The following AGMO variants were observed in gnomAD, a reference collection of about 807,000 sequenced individuals.
AGMO encodes glyceryl-ether monooxygenase.
A neutral mutation model predicts 60.2 loss-of-function variants in AGMO; 75 were observed. That is an observed-to-expected ratio of 1.25 (90% CI 1.03 to 1.51). AGMO has a LOEUF of 1.51. Ranked by LOEUF, AGMO falls within the 40% of genes most tolerant of loss-of-function variation. The pLI is 0.00. For synonymous variants in AGMO, 261 were observed against 177.1 expected (o/e 1.47, Z -3.76); for missense variants, 763 against 525.5 (o/e 1.45, Z -4.42).
intron 12 of AGMO, among the ~76,000 whole-genome samples, chr7:15,334,274 A>G (rs1419501846): frequency 6.7e-6 from 1 of 149,850 alleles, no homozygotes; most frequent in Non-Finnish European, 1.5e-5. Flanking sequence ...TTAACAACAT[A>G]AAATTATCAA....
At chr7:15,232,674 A>C (rs1464924334) in intron 12 of AGMO, among the ~76,000 whole-genome samples, 1 of 152,174 alleles carries the variant, frequency 6.6e-6, no homozygotes, top group Non-Finnish European at 1.5e-5. Context: ...GCCAATGAGT[A>C]GAATACGAAT....
intron 3 of AGMO, among the ~76,000 whole-genome samples, chr7:15,465,190 T>C (rs1381371603): frequency 6.6e-6 from 1 of 151,988 alleles, no homozygotes. Context: ...GGATTACCTA[T>C]TGCGAGCCGA....
At chr7:15,222,619 T>G (rs1405238946) in intron 12 of AGMO, among the ~76,000 whole-genome samples, 1 of 152,100 alleles carries the variant, frequency 6.6e-6, no homozygotes, top group East Asian at 1.9e-4. Context: ...CCTCTTCATT[T>G]GTTAAATAAA....
intron 12 of AGMO, among the ~76,000 whole-genome samples, chr7:15,258,482 T>C (rs1421323457): frequency 1.3e-5 from 2 of 151,894 alleles, no homozygotes; most frequent in Non-Finnish European, 2.9e-5. Context: ...GAGGCGGAGC[T>C]TGCAGTGAGC....
intron 3 of AGMO, among the ~76,000 whole-genome samples, chr7:15,445,245 A>G (rs1781666931): frequency 6.6e-6 from 1 of 152,112 alleles, no homozygotes; most frequent in African/African-American, 2.4e-5. Flanking sequence ...GGTGTAGGTC[A>G]ATAATAATGT....
intron 3 of AGMO, among the ~76,000 whole-genome samples, chr7:15,483,915 A>G (rs1782839835): frequency 6.6e-6 from 1 of 152,208 alleles, no homozygotes; most frequent in Admixed American, 6.5e-5. Context: ...CCTAATATCC[A>G]TACTTATTAA....
chr7:15,348,351 G>C (rs1309574424), intron 12 of AGMO, among the ~76,000 whole-genome samples: 2 of 151,986 alleles, frequency 1.3e-5, no homozygotes, highest in African/African-American at 4.8e-5. Flanking sequence ...AGATAAGCAA[G>C]TGAAATTGCA....
At chr7:15,429,581 C>T (rs1289935580) in intron 4 of AGMO, among the ~76,000 whole-genome samples, 1 of 151,910 alleles carries the variant, frequency 6.6e-6, no homozygotes, top group Non-Finnish European at 1.5e-5. Context: ...TTAAGCTACA[C>T]AGTTAGTAGT....
intron 12 of AGMO, among the ~76,000 whole-genome samples, chr7:15,303,521 G>A (rs1780517408): frequency 6.6e-6 from 1 of 152,158 alleles, no homozygotes; most frequent in African/African-American, 2.4e-5. Context: ...CCCACCCAGT[G>A]AGAAGAAATG....
intron 12 of AGMO, among the ~76,000 whole-genome samples, chr7:15,320,616 A>T (rs1224225562): frequency 6.6e-6 from 1 of 152,154 alleles, no homozygotes; most frequent in African/African-American, 2.4e-5. Context: ...TATTTTCTAA[A>T]TGGTTAGAAT....
intron 3 of AGMO, among the ~76,000 whole-genome samples, chr7:15,468,525 T>C (rs989486202): frequency 2.6e-5 from 4 of 152,074 alleles, no homozygotes; most frequent in Non-Finnish European, 5.9e-5. Flanking sequence ...TGCATTTAAA[T>C]GTATGATTCA....
At chr7:15,521,574 T>C (rs895143524) in intron 3 of AGMO, among the ~76,000 whole-genome samples, 9 of 152,128 alleles carry the variant, frequency 5.9e-5, no homozygotes, top group African/African-American at 2.2e-4. Flanking sequence ...ATCCATCACA[T>C]AAATGGAACC....
At chr7:15,311,397 A>G (rs1307771984) in intron 12 of AGMO, among the ~76,000 whole-genome samples, 26 of 152,148 alleles carry the variant, frequency 1.7e-4, no homozygotes, top group Admixed American at 1.7e-3. Flanking sequence ...CCCTCCCCAC[A>G]TTAAGCTGGA....
chr7:15,338,575 C>G (rs1781735550), intron 12 of AGMO, among the ~76,000 whole-genome samples: 1 of 152,090 alleles, frequency 6.6e-6, no homozygotes, highest in Admixed American at 6.6e-5. Flanking sequence ...ACTGGGAGAC[C>G]TAGCACTGCT....
intron 5 of AGMO, among the ~76,000 whole-genome samples, chr7:15,395,011 C>A (rs1339333104): frequency 1.3e-5 from 2 of 152,130 alleles, no homozygotes; most frequent in Admixed American, 1.3e-4. Context: ...AAAAGTATAG[C>A]AGCCCAGATG....
chr7:15,320,128 G>A (rs2128537929), intron 12 of AGMO, among the ~76,000 whole-genome samples: 1 of 151,788 alleles, frequency 6.6e-6, no homozygotes. Context: ...TGGGGGAGGG[G>A]GAAGGGATAG....
At chr7:15,319,500 G>C (rs995424660) in intron 12 of AGMO, among the ~76,000 whole-genome samples, 1 of 152,042 alleles carries the variant, frequency 6.6e-6, no homozygotes, top group African/African-American at 2.4e-5. Flanking sequence ...TCTGAAGCTT[G>C]GTCTTGAGTC....
Position 15,390,854 on chromosome 7 carries a change from C to T in AGMO, c.728G>A (p.Trp243Ter), listed in dbSNP as rs1471643120. Residue 243 changes from tryptophan (W) to a stop codon, truncating the protein, a stop_gained, in exon 7 of 13, where the codon TGG becomes TAG. Transcript: ENST00000342526. LOFTEE classifies it high-confidence loss of function. ...DKNYAGVLII[W>*]DKIFGTFEAE... The stretch of plus-strand genomic sequence containing the variant: ...ATTTTACTTACCAAAAATTTTATCC[C>T]AAATAATAAGAACACCAGCATAATT... 4 of 1,604,160 alleles carry T rather than the reference C, an allele frequency of 2.5e-6. No homozygotes were observed. Among genetic ancestry groups the T allele is most frequent in the East Asian group, 2.2e-5 (1 of 44,546 alleles).
At chr7:15,512,441 C>T (rs767252624) in intron 3 of AGMO, among the ~76,000 whole-genome samples, 3 of 151,942 alleles carry the variant, frequency 2.0e-5, no homozygotes, top group South Asian at 2.1e-4. Flanking sequence ...TTTGTTGAGT[C>T]GGGGTTTCAT....
Sources: allele counts gnomAD v4.1 joint callset (sites outside exome capture counted in the v4.1 genomes callset), GRCh38; gene constraint gnomAD v4.1.1; transcripts MANE v1.5; gene names NCBI Gene and HGNC (gene_info 2026-07-23, HGNC 2026-07-21).